Variants in IFNAR1 observed in about 807,000 individuals in gnomAD.
IFNAR1 encodes the protein interferon alpha/beta receptor 1.
IFNAR1 carries 47 observed loss-of-function variants against 62.1 expected under a neutral mutation model. That is an observed-to-expected ratio of 0.76 (90% confidence interval 0.60 to 0.97). The LOEUF (loss-of-function observed/expected upper bound fraction) is 0.97. Among genes scored for constraint, IFNAR1 ranks in the 50% least tolerant of loss-of-function variants. The pLI, the probability that IFNAR1 is intolerant of heterozygous loss-of-function variation, is 0.00. For missense variants in IFNAR1, 638 were observed against 654.5 expected, an observed-to-expected ratio of 0.97 and a Z score of 0.27; for synonymous variants, 219 against 226.9, an observed-to-expected ratio of 0.97 and a Z score of 0.31.
chr21:33,333,926 A>G (rs2856978), intron 1 of IFNAR1, among the ~76,000 whole-genome samples: 58,064 of 152,016 alleles, frequency 0.38, 11,272 homozygotes, highest in Middle Eastern at 0.46. Context: ...TATGCTTTCT[A>G]TAAGAAACCC....
chr21:33,348,456 A>G (rs888788315), intron 6 of IFNAR1, among the ~76,000 whole-genome samples: 3 of 152,196 alleles, frequency 2.0e-5, no homozygotes, highest in Non-Finnish European at 2.9e-5. Flanking sequence ...TTAGGACAAG[A>G]TGAATTTATT....
In IFNAR1 at chr21:33,355,508, G is replaced by A. The variant is rs558227564; in HGVS notation, c.1633G>A (p.Glu545Lys). 20 of 1,601,820 alleles carry A rather than the reference G, an allele frequency of 1.2e-5. No individual in the cohort carries two copies. Among genetic ancestry groups the A allele is most frequent in the Non-Finnish European group, 1.6e-5 (19 of 1,176,028 alleles). ...AAATTATTCTAATGAAGATGAAAGCGAAAGTAAAACAAGTGAAGAACTACA... is the reference window on the plus strand; with the variant it reads ...AAATTATTCTAATGAAGATGAAAGCAAAAGTAAAACAAGTGAAGAACTACA... ...SGNYSNEDES[E>K]SKTSEELQQD... is the part of the protein sequence containing the mutation. The change falls in exon 11 of 11, where the codon GAA becomes AAA. Residue 545 changes from glutamate to lysine, a missense_variant. Physicochemically the swap from Glu to Lys is moderately conservative, Grantham distance 56. Coordinates refer to ENST00000270139, the MANE Select transcript of IFNAR1 (RefSeq NM_000629.3).
At chr21:33,350,448 G>A (rs1342646476) in intron 8 of IFNAR1, among the ~76,000 whole-genome samples, 1 of 151,922 alleles carries the variant, frequency 6.6e-6, no homozygotes, top group Admixed American at 6.6e-5. Flanking sequence ...TTATTCCTTA[G>A]TATTTAATTT....
intron 2 of IFNAR1, among the ~76,000 whole-genome samples, chr21:33,338,790 T>A (rs1317491141): frequency 1.3e-5 from 2 of 151,708 alleles, no homozygotes; most frequent in Non-Finnish European, 1.5e-5. Context: ...TTGCCCAGGC[T>A]GGAGTGCAAT....
rs570115598 is a variant in IFNAR1 at position 33,326,353 on chromosome 21, C to T, written c.76+1222C>T. Among the ~76,000 whole-genome samples, 670 of 151,888 alleles carry T rather than the reference C, an allele frequency of 4.4e-3. 7 individuals carry two copies. The highest frequency in any genetic ancestry group is 0.018 in the South Asian group (88 of 4,818). ...TTGAGTAGCTGGAATTACAGGTGCA[C>T]GCCACCACATCCGGCTATTTTTTGT... On this transcript the variant is annotated intron_variant, in intron 1 of 10. Transcript: ENST00000270139.
chr21:33,328,136 T>C (rs150878304), intron 1 of IFNAR1, among the ~76,000 whole-genome samples: 228 of 152,336 alleles, frequency 1.5e-3, no homozygotes, highest in African/African-American at 5.4e-3. Flanking sequence ...TTTGTTTGTT[T>C]GTTTTTAGCT....
Position 33,353,800 on chromosome 21 carries a change from A to AT in IFNAR1, c.1440+24dup, listed in dbSNP as rs772509641. 84 of 1,518,326 alleles carry AT rather than the reference A, an allele frequency of 5.5e-5. 1 individual carries two copies. The highest frequency in any genetic ancestry group is 7.3e-5 in the Non-Finnish European group (82 of 1,125,830). 94.1% of individuals were successfully genotyped at this position (1,518,326 alleles called of 1,614,324 possible). On this transcript the variant is annotated intron_variant, in intron 10 of 10. Transcript: ENST00000270139. ...ATAGATGAGGTATGTTACTTTTTTT[A>AT]TTTTTTTGTCAACAGCTAGGTAATG... is the stretch of plus-strand genomic sequence containing the variant.
chr21:33,343,144 A>G (rs2083309645), intron 3 of IFNAR1, 124 bp from the exon 4 acceptor site: 1 of 722,370 alleles, frequency 1.4e-6, no homozygotes, highest in East Asian at 2.7e-5. Flanking sequence ...TTTCTATCCT[A>G]TCTGTATGCT....
chr21:33,328,761 G>A (rs887191998), intron 1 of IFNAR1, among the ~76,000 whole-genome samples: 1 of 152,074 alleles, frequency 6.6e-6, no homozygotes, highest in African/African-American at 2.4e-5. Flanking sequence ...TAAAGATATA[G>A]TAAACCATTT....
Position 33,325,754 on chromosome 21 carries a change from TTTAG to T in IFNAR1, c.76+629_76+632del, listed in dbSNP as rs1211408352. The stretch of plus-strand genomic sequence containing the variant: ...AGTAAGGCAAATAGTTCTGTGAGAA[TTTAG>T]TTAGTGCCCAAGAAATCTGTATTTT... On this transcript the variant is annotated intron_variant, in intron 1 of 10. Coordinates refer to ENST00000270139, the MANE Select transcript of IFNAR1 (RefSeq NM_000629.3). Among the ~76,000 whole-genome samples, 3 of 152,286 alleles carry T rather than the reference TTTAG, an allele frequency of 2.0e-5. No homozygotes were observed. The South Asian group carries it at 6.2e-4, about 32-fold the overall frequency.
intron 8 of IFNAR1, 35 bp from the exon 9 acceptor site, chr21:33,352,723 C>A: frequency 7.9e-7 from 1 of 1,268,504 alleles, no homozygotes; most frequent in Non-Finnish European, 1.1e-6. Context: ...CTTGAGGTGA[C>A]TAAATTTTAT....
In IFNAR1 at chr21:33,343,670, AC is replaced by A; in HGVS notation, c.669del (p.Thr224GlnfsTer12). 1 of 1,582,432 alleles carries A rather than the reference AC, an allele frequency of 6.3e-7. No individual in the cohort carries two copies. The highest frequency in any genetic ancestry group is 8.6e-7 in the Non-Finnish European group (1 of 1,167,494). Reference sequence around the variant, plus strand: ...CTATAGTCCAGTACATTGTATAAAGACCACAGGTAAGGAAGATGTTTTGTTT... The same window carrying A: ...CTATAGTCCAGTACATTGTATAAAGACACAGGTAAGGAAGATGTTTTGTTT... Reference protein sequence around the residue: ...GVYSPVHCIKTTVENELPPPE... With the variant: ...GVYSPVHCIKXTVENELPPPE... On this transcript the variant is annotated frameshift_variant, in exon 5 of 11. Transcript: ENST00000270139. LOFTEE classifies it high-confidence loss of function.
intron 3 of IFNAR1, among the ~76,000 whole-genome samples, chr21:33,341,679 AT>A (rs1320601334): frequency 6.6e-6 from 1 of 151,512 alleles, no homozygotes; most frequent in Non-Finnish European, 1.5e-5. Context: ...TATCATTGTT[AT>A]TTCTTTCTTT....
rs749610356 is a variant in IFNAR1 at position 33,345,360 on chromosome 21, A to C, written c.788A>C (p.His263Pro). The change falls in exon 6 of 11, where the codon CAC (histidine) becomes CCC (proline). Residue 263 changes from histidine (H) to proline (P), a missense_variant and splice_region_variant. By Grantham distance (77) the His-to-Pro change is moderately conservative. Coordinates refer to ENST00000270139, the MANE Select transcript of IFNAR1 (RefSeq NM_000629.3). ...ANMTFQVQWL[H>P]AFLKRNPGNH... is the part of the protein sequence containing the mutation. ...ATGACCTTTCAAGTTCAGTGGCTCCAGTAAGTTCCATTCCATAAATTTCCT... is the reference window on the plus strand; with the variant it reads ...ATGACCTTTCAAGTTCAGTGGCTCCCGTAAGTTCCATTCCATAAATTTCCT... The C allele has an allele frequency of 2.3e-5, 34 of 1,477,124 alleles. No homozygotes were observed. The Admixed American group carries it at 5.4e-4, about 23-fold the overall frequency. The allele number at this position is 1,477,124 out of a possible 1,614,324, so 91.5% of individuals were successfully genotyped here.
rs1402959677 is a variant in IFNAR1, at chr21:33,340,918, C to T, written c.201-81C>T. 18 of 885,670 alleles carry T rather than the reference C, an allele frequency of 2.0e-5. No homozygotes were observed. In the Admixed American group the frequency reaches 3.8e-4, roughly 19 times the overall value. 54.9% of individuals were successfully genotyped at this position (885,670 alleles called of 1,614,324 possible). On this transcript the variant is annotated intron_variant, in intron 2 of 10. Transcript: ENST00000270139. ...AGTTATTAAGAGTTAAGAAATAACT[C>T]TTATACCAGTAAATAGAAAGTATTT...
rs376344220 is a variant in IFNAR1, at chr21:33,330,242, C to T, written c.76+5111C>T. The stretch of plus-strand genomic sequence containing the variant: ...TCATTGCTCCTTCTCGTCACAAAAG[C>T]GCAAAGAGATGGGCGGTTGTTGTTG... On this transcript the variant is annotated intron_variant, in intron 1 of 10. Coordinates refer to ENST00000270139, the MANE Select transcript of IFNAR1 (RefSeq NM_000629.3). Among the ~76,000 whole-genome samples, 148 of 152,246 alleles carry T rather than the reference C, an allele frequency of 9.7e-4. 3 individuals are homozygous for T. In the South Asian group the frequency reaches 0.03, roughly 31 times the overall value.
intron 6 of IFNAR1, among the ~76,000 whole-genome samples, chr21:33,347,828 G>A (rs967457633): frequency 6.6e-6 from 1 of 152,160 alleles, no homozygotes; most frequent in African/African-American, 2.4e-5. Flanking sequence ...TCTCCAGTGG[G>A]GAGGATGTCC....
At chr21:33,341,789 C>T (rs1000794677) in intron 3 of IFNAR1, among the ~76,000 whole-genome samples, 5 of 152,054 alleles carry the variant, frequency 3.3e-5, no homozygotes, top group African/African-American at 1.2e-4. Flanking sequence ...TCAAGTGACT[C>T]TCCCGCCTCA....
rs2083460701 is a variant in IFNAR1, at chr21:33,357,562, G to A, written c.*2013G>A. 1 of 143,348 alleles carries A rather than the reference G, an allele frequency of 7.0e-6. No individual in the cohort carries two copies. The highest frequency in any genetic ancestry group is 6.9e-5 in the Admixed American group (1 of 14,420). The allele number at this position is 143,348 out of a possible 1,614,324, so 8.9% of individuals were successfully genotyped here. On this transcript the variant is annotated 3_prime_UTR_variant, in exon 11 of 11. Transcript: ENST00000270139. ...TTTTTTTTTGAGACAGTCTCATTCT[G>A]TTGCCCAGGCTGGAGTGCAGTGGCT... is the stretch of plus-strand genomic sequence containing the variant.
Sources: allele counts gnomAD v4.1 joint callset (sites outside exome capture counted in the v4.1 genomes callset), GRCh38; gene constraint gnomAD v4.1.1; transcripts MANE v1.5; gene names NCBI Gene and HGNC (gene_info 2026-07-23, HGNC 2026-07-21).